PAPPA: variants seen among roughly 807,000 people sequenced by gnomAD.
PAPPA encodes the protein pappalysin-1.
PAPPA carries 60 observed loss-of-function variants against 164.0 expected under a neutral mutation model. The observed-to-expected ratio is 0.37, with a 90% CI of 0.30 to 0.45. The LOEUF is 0.45. Ranked by LOEUF, PAPPA falls within the 20% of genes least tolerant of loss-of-function variation. The probability of loss-of-function intolerance (pLI) is 1.00; values close to 1 mark genes in which losing one functional copy is unlikely to be tolerated. For synonymous variants in PAPPA, 875 were observed against 814.1 expected, an observed-to-expected ratio of 1.07 and a Z score of -1.27; for missense variants, 1,782 against 2,087.3, an observed-to-expected ratio of 0.85 and a Z score of 2.85.
intron 4 of PAPPA, among the ~76,000 whole-genome samples, chr9:116,217,179 G>A (rs916316440): frequency 2.6e-5 from 4 of 152,086 alleles, no homozygotes; most frequent in Non-Finnish European, 2.9e-5. Context: ...ACACTTTTTT[G>A]TTGGGGGAAA....
intron 19 of PAPPA, among the ~76,000 whole-genome samples, chr9:116,374,934 C>A (rs1564247128): frequency 1.3e-5 from 2 of 152,246 alleles, no homozygotes; most frequent in Non-Finnish European, 1.5e-5. Flanking sequence ...AACCCAAATT[C>A]CCTCATTTGT....
Position 116,188,161 on chromosome 9 carries a change from G to T in PAPPA, c.1423G>T (p.Asp475Tyr). The part of the protein sequence containing the change: ...RFNFDGGECC[D>Y]PEITNVTQTC... Reference sequence around the variant, plus strand: ...CAACTTTGATGGTGGAGAGTGCTGTGACCCTGAAATCACCAATGTCACTCA... The same window carrying T: ...CAACTTTGATGGTGGAGAGTGCTGTTACCCTGAAATCACCAATGTCACTCA... Residue 475 changes from aspartate (D) to tyrosine (Y), a missense_variant, in exon 2 of 22, where the codon GAC becomes TAC. By Grantham distance (160) the Asp-to-Tyr change is radical (BLOSUM62 -3). Coordinates refer to ENST00000328252, the MANE Select transcript of PAPPA (RefSeq NM_002581.5). 6.2e-7 allele frequency: 1 copy of T among 1,614,102 alleles called. No individual in the cohort carries two copies. Among genetic ancestry groups the T allele is most frequent in the Middle Eastern group, 1.6e-4 (1 of 6,062 alleles).
intron 2 of PAPPA, among the ~76,000 whole-genome samples, chr9:116,194,546 G>C (rs1268897728): frequency 6.6e-6 from 1 of 152,206 alleles, no homozygotes; most frequent in Non-Finnish European, 1.5e-5. Context: ...GCTAGAGACT[G>C]ACCAGGGTTT....
intron 14 of PAPPA, among the ~76,000 whole-genome samples, 182 bp downstream of exon 14, chr9:116,344,893 C>T (rs1189139598): frequency 6.6e-6 from 1 of 152,204 alleles, no homozygotes; most frequent in Non-Finnish European, 1.5e-5. Context: ...AGCAAGCAGT[C>T]TGGAATCTCT....
chr9:116,238,029 A>T (rs1227495027), intron 7 of PAPPA, among the ~76,000 whole-genome samples: 19 of 151,994 alleles, frequency 1.3e-4, no homozygotes. Context: ...AGTTCTTCTC[A>T]ATTTGGATTG....
At chr9:116,298,359 A>G (rs1845536174) in intron 9 of PAPPA, among the ~76,000 whole-genome samples, 1 of 152,236 alleles carries the variant, frequency 6.6e-6, no homozygotes, top group African/African-American at 2.4e-5. Context: ...TGAAATCTCA[A>G]CTGGAGAAGA....
chr9:116,300,327 G>C (rs1845564952), intron 9 of PAPPA, among the ~76,000 whole-genome samples: 2 of 151,726 alleles, frequency 1.3e-5, no homozygotes, highest in Non-Finnish European at 2.9e-5. Flanking sequence ...ACCCAGGCTG[G>C]AGTGCAGTGG....
chr9:116,322,305 G>T (rs187714052), intron 10 of PAPPA, among the ~76,000 whole-genome samples: 5 of 152,008 alleles, frequency 3.3e-5, no homozygotes, highest in East Asian at 3.9e-4. Context: ...AGCTACTCGG[G>T]GGGTGGAGGC....
intron 5 of PAPPA, 136 bp downstream of exon 5, chr9:116,220,265 G>A: frequency 1.8e-6 from 1 of 552,988 alleles, no homozygotes; most frequent in Non-Finnish European, 3.1e-6. Flanking sequence ...CCACCACCTA[G>A]CATGTTGTAA....
intron 9 of PAPPA, among the ~76,000 whole-genome samples, chr9:116,288,261 T>C (rs1035616634): frequency 6.6e-6 from 1 of 151,916 alleles, no homozygotes; most frequent in Non-Finnish European, 1.5e-5. Context: ...CCCAGCTACT[T>C]GGGAGGCTGA....
chr9:116,244,453 G>A (rs1407692524), intron 7 of PAPPA, among the ~76,000 whole-genome samples: 1 of 152,154 alleles, frequency 6.6e-6, no homozygotes, highest in African/African-American at 2.4e-5. Flanking sequence ...CCTACTGCAT[G>A]TCAATCTTTG....
At position 116,235,311 on chromosome 9, in the gene PAPPA, T is replaced by C. The variant is rs750761618; in HGVS notation, c.2406T>C (p.Phe802=). 3.0e-5 allele frequency: 48 copies of C among 1,614,032 alleles called. No homozygotes were observed. Among genetic ancestry groups the C allele is most frequent in the Non-Finnish European group, 3.8e-5 (45 of 1,180,008 alleles). The change falls in exon 7 of 22, where the codon TTT becomes TTC. Residue 802 remains phenylalanine (F), a synonymous_variant. Transcript: ENST00000328252. ...AGTCTCTGACCATTTGGGTGACCTTTGTCTCCACTGACTGGGACTCTAGTG... is the reference window on the plus strand; with the variant it reads ...AGTCTCTGACCATTTGGGTGACCTTCGTCTCCACTGACTGGGACTCTAGTG... ...VPESLTIWVT[F]VSTDWDSSGA...
chr9:116,167,023 A>G (rs1843726255), intron 1 of PAPPA, among the ~76,000 whole-genome samples: 1 of 152,256 alleles, frequency 6.6e-6, no homozygotes, highest in Non-Finnish European at 1.5e-5. Flanking sequence ...ATAAGATTTC[A>G]AAAAGATTGG....
intron 2 of PAPPA, among the ~76,000 whole-genome samples, chr9:116,196,296 A>G (rs866099537): frequency 6.6e-6 from 1 of 152,200 alleles, no homozygotes; most frequent in African/African-American, 2.4e-5. Context: ...GATGGATGGC[A>G]GTACTGGTGC....
chr9:116,361,261 C>T (rs1846422901), intron 17 of PAPPA, among the ~76,000 whole-genome samples: 1 of 152,174 alleles, frequency 6.6e-6, no homozygotes. Flanking sequence ...TGTCAAGTTT[C>T]TCATCTTATT....
At chr9:116,252,683 C>A (rs530748263) in intron 7 of PAPPA, among the ~76,000 whole-genome samples, 1 of 152,180 alleles carries the variant, frequency 6.6e-6, no homozygotes, top group African/African-American at 2.4e-5. Context: ...CAGTTCCTTG[C>A]GTTTACAACA....
chr9:116,274,853 G>A (rs1301998373), intron 9 of PAPPA, among the ~76,000 whole-genome samples: 1 of 152,152 alleles, frequency 6.6e-6, no homozygotes, highest in Non-Finnish European at 1.5e-5. Context: ...CCTCCAGTCA[G>A]ACACACCAAC....
chr9:116,376,385 T>A (rs1384231816), intron 19 of PAPPA, among the ~76,000 whole-genome samples: 1 of 152,220 alleles, frequency 6.6e-6, no homozygotes, highest in Non-Finnish European at 1.5e-5. Flanking sequence ...CTTATTTAGC[T>A]TTCTTATTTC....
chr9:116,230,685 A>C (rs1019051407), intron 6 of PAPPA, among the ~76,000 whole-genome samples: 5 of 152,214 alleles, frequency 3.3e-5, no homozygotes, highest in South Asian at 2.1e-4. Context: ...CATTTCTAAG[A>C]AGGTAAATAC....
Sources: allele counts gnomAD v4.1 joint callset (sites outside exome capture counted in the v4.1 genomes callset), GRCh38; gene constraint gnomAD v4.1.1; transcripts MANE v1.5; gene names NCBI Gene and HGNC (gene_info 2026-07-23, HGNC 2026-07-21).